RBFOX3: variants seen among roughly 807,000 people sequenced by gnomAD.
RBFOX3 encodes the protein RNA binding fox-1 homolog 3.
RBFOX3 carries 17 observed loss-of-function variants against 48.7 expected under a neutral mutation model. The ratio of observed to expected loss-of-function variants is 0.35; its 90% CI spans 0.24 to 0.52. RBFOX3 has a LOEUF of 0.52. Among genes scored for constraint, RBFOX3 ranks in the 20% least tolerant of loss-of-function variants. The probability of loss-of-function intolerance (pLI) is 0.94; values close to 1 mark genes in which losing one functional copy is unlikely to be tolerated. For synonymous variants in RBFOX3, 212 were observed against 209.5 expected (o/e 1.01, Z -0.10); for missense variants, 382 against 497.5 (o/e 0.77, Z 2.21).
chr17:79,387,543 C>A (rs573056638), intron 2 of RBFOX3, among the ~76,000 whole-genome samples: 1 of 152,358 alleles, frequency 6.6e-6, no homozygotes, highest in African/African-American at 2.4e-5. Context: ...GTACCGCCCG[C>A]ATGGGCTGGA....
At chr17:79,325,533 T>C (rs920032739) in intron 2 of RBFOX3, among the ~76,000 whole-genome samples, 2 of 152,164 alleles carry the variant, frequency 1.3e-5, no homozygotes, top group African/African-American at 4.8e-5. Flanking sequence ...GATAGAGACT[T>C]GTCCTTGGAA....
At chr17:79,207,062 T>C (rs2057603477) in intron 4 of RBFOX3, among the ~76,000 whole-genome samples, 1 of 152,212 alleles carries the variant, frequency 6.6e-6, no homozygotes. Context: ...AAGTTTCCCA[T>C]GCAAAGAAAA....
At chr17:79,562,170 G>T (rs1201563613) in intron 1 of RBFOX3, among the ~76,000 whole-genome samples, 1 of 152,190 alleles carries the variant, frequency 6.6e-6, no homozygotes, top group African/African-American at 2.4e-5. Flanking sequence ...ATGGTTCGTG[G>T]ACTCCTTTTT....
At chr17:79,554,886 G>A (rs1180998145) in intron 1 of RBFOX3, among the ~76,000 whole-genome samples, 14 of 152,062 alleles carry the variant, frequency 9.2e-5, no homozygotes, top group Admixed American at 5.9e-4. Context: ...TAGAAGACCC[G>A]GGCTTAGAGA....
Position 79,567,714 on chromosome 17 carries a change from G to A in RBFOX3, c.-320+43112C>T, listed in dbSNP as rs1465173942. ...TGACTCCTTGTCCGTACCTCTTAGG[G>A]CTGTCGTAAGGATTTGCTGAGATGC... On this transcript the variant is annotated intron_variant, in intron 1 of 14. Transcript: ENST00000693108. 2.6e-5 allele frequency among the ~76,000 whole-genome samples: 4 copies of A among 152,150 alleles called. No homozygotes were observed. The East Asian group carries it at 7.7e-4, about 29-fold the overall frequency.
intron 4 of RBFOX3, among the ~76,000 whole-genome samples, chr17:79,170,788 T>G (rs2049119612): frequency 6.6e-6 from 1 of 152,120 alleles, no homozygotes; most frequent in African/African-American, 2.4e-5. Context: ...CTTCTGTGGC[T>G]CCCTATTGCC....
intron 2 of RBFOX3, among the ~76,000 whole-genome samples, chr17:79,315,814 G>C (rs773050097): frequency 1.3e-5 from 2 of 152,322 alleles, no homozygotes; most frequent in East Asian, 3.9e-4. Context: ...TAATGGAGAC[G>C]CTTAAATGGC....
At position 79,364,125 on chromosome 17, in the gene RBFOX3, T is replaced by TCA. The variant is rs1444348355; in HGVS notation, c.-174-56303_-174-56302dup. ...ACAGCACGCACCACTCTGGGACCATTCACTCAGTCATTTAAACAGCCCCAT... is the reference window on the plus strand; with the variant it reads ...ACAGCACGCACCACTCTGGGACCATTCACACTCAGTCATTTAAACAGCCCCAT... On this transcript the variant is annotated intron_variant, in intron 2 of 14. Transcript: ENST00000693108. This position sits in a 1 kb window ranked among gnomAD's most constrained non-coding sequence, Gnocchi z 5.1. Among the ~76,000 whole-genome samples, 1 of 152,174 alleles carries TCA rather than the reference T, an allele frequency of 6.6e-6. No individual in the cohort carries two copies. Among genetic ancestry groups the TCA allele is most frequent in the East Asian group, 1.9e-4 (1 of 5,192 alleles).
chr17:79,662,076 G>C, the RBFOX3 span, among the ~76,000 whole-genome samples: 723 of 46,984 alleles, frequency 0.015, 9 homozygotes, highest in African/African-American at 0.03. Context: ...TTATCTTCTA[G>C]AAGACAGATT....
intron 1 of RBFOX3, among the ~76,000 whole-genome samples, chr17:79,539,131 T>G (rs1555789525): frequency 6.6e-6 from 1 of 152,108 alleles, no homozygotes; most frequent in African/African-American, 2.4e-5. Context: ...GCAGGAGGAT[T>G]GCTTGAGCTC....
At chr17:79,144,458 G>A (rs1305351792) in intron 4 of RBFOX3, among the ~76,000 whole-genome samples, 2 of 152,196 alleles carry the variant, frequency 1.3e-5, no homozygotes, top group Non-Finnish European at 2.9e-5. Flanking sequence ...GCCTCACTCA[G>A]AAGCTCTTTC....
chr17:79,333,599 CAA>C (rs959919402), intron 2 of RBFOX3, among the ~76,000 whole-genome samples: 1 of 152,178 alleles, frequency 6.6e-6, no homozygotes, highest in Non-Finnish European at 1.5e-5. Flanking sequence ...GCTCCCAGAA[CAA>C]AAGCACCTGG....
chr17:79,118,471 C>A (rs2034721329), intron 4 of RBFOX3, among the ~76,000 whole-genome samples: 1 of 151,904 alleles, frequency 6.6e-6, no homozygotes, highest in Non-Finnish European at 1.5e-5. Context: ...GTCAGGGCAC[C>A]CAGGAGGGGT....
intron 3 of RBFOX3, among the ~76,000 whole-genome samples, chr17:79,267,101 A>C (rs1567946453): frequency 6.6e-6 from 1 of 152,080 alleles, no homozygotes. Flanking sequence ...TTTGCCCTGC[A>C]CCTTGGAGTC....
intron 14 of RBFOX3, chr17:79,091,949 T>G (rs16971979): frequency 0.094 from 92,760 of 984,924 alleles, 4,735 homozygotes; most frequent in African/African-American, 0.14. Context: ...GCAAGAAATA[T>G]CGTCAATAAA....
chr17:79,204,988 A>G lies in RBFOX3; in HGVS notation c.-34+30778T>C, dbSNP rs983488523. 6.6e-6 allele frequency among the ~76,000 whole-genome samples: 1 copy of G among 152,100 alleles called. No homozygotes were observed. Among genetic ancestry groups the G allele is most frequent in the African/African-American group, 2.4e-5 (1 of 41,394 alleles). ...CTTATATAGCCAGGAAAAAATCAAG[A>G]GCTAGAGAGCAGAGAACTCCTCAGT... On this transcript the variant is annotated intron_variant, in intron 4 of 14. Transcript: ENST00000693108. The surrounding 1 kb of genome is among the most constrained non-coding windows in gnomAD (Gnocchi z 4.5).
At chr17:79,462,379 AAAAAG>A (rs2149272810) in intron 2 of RBFOX3, among the ~76,000 whole-genome samples, 1 of 152,350 alleles carries the variant, frequency 6.6e-6, no homozygotes, top group African/African-American at 2.4e-5. Flanking sequence ...AAGAATGATT[AAAAAG>A]AAAAGTCATG....
the RBFOX3 span, among the ~76,000 whole-genome samples, chr17:79,644,438 A>C: frequency 6.6e-6 from 1 of 152,312 alleles, no homozygotes; most frequent in African/African-American, 2.4e-5. Context: ...TAGCAAAATA[A>C]AATTAGCAGT....
chr17:79,162,554 A>C (rs1157416157), intron 4 of RBFOX3, among the ~76,000 whole-genome samples: 1 of 152,266 alleles, frequency 6.6e-6, no homozygotes, highest in Non-Finnish European at 1.5e-5. Flanking sequence ...CACTTCTGAG[A>C]AAATGAGATT....
Sources: allele counts gnomAD v4.1 joint callset (sites outside exome capture counted in the v4.1 genomes callset), GRCh38; gene constraint gnomAD v4.1.1; non-coding constraint Gnocchi (gnomAD v3.1); transcripts MANE v1.5; gene names NCBI Gene and HGNC (gene_info 2026-07-23, HGNC 2026-07-21).